The following GLIPR1L1 variants were observed in gnomAD, a reference collection of about 807,000 sequenced individuals.
GLIPR1L1 encodes the protein GLIPR1 like 1, also known as GLIPR1-like protein 1.
Under a neutral mutation model 29.9 loss-of-function variants are expected in GLIPR1L1, and 26 were observed. That is an observed-to-expected ratio of 0.87 (90% CI 0.64 to 1.21). GLIPR1L1 has a LOEUF of 1.21. Among genes scored for constraint, GLIPR1L1 ranks in the 50% most tolerant of loss-of-function variants. The pLI, the probability that GLIPR1L1 is intolerant of heterozygous loss-of-function variation, is 0.00. For synonymous variants in GLIPR1L1, 77 were observed against 97.5 expected, an observed-to-expected ratio of 0.79 and a Z score of 1.24; for missense variants, 305 against 290.3, an observed-to-expected ratio of 1.05 and a Z score of -0.37.
intron 3 of GLIPR1L1, among the ~76,000 whole-genome samples, chr12:75,362,115 T>TAACAGCA (rs1393839836): frequency 1.3e-5 from 2 of 151,900 alleles, no homozygotes; most frequent in Non-Finnish European, 2.9e-5. Flanking sequence ...ACAACAATAA[T>TAACAGCA]AACAGCAACA....
intron 2 of GLIPR1L1, among the ~76,000 whole-genome samples, chr12:75,345,196 A>C (rs1474538734): frequency 1.3e-5 from 2 of 152,064 alleles, no homozygotes; most frequent in Admixed American, 6.6e-5. Flanking sequence ...GAGTGTATCA[A>C]ACTTCTCCTG....
intron 4 of GLIPR1L1, among the ~76,000 whole-genome samples, chr12:75,367,906 G>T (rs2044092146): frequency 6.6e-6 from 1 of 152,044 alleles, no homozygotes; most frequent in African/African-American, 2.4e-5. Context: ...TTTCACCATT[G>T]TGTATGTTTG....
At chr12:75,356,522 T>A (rs1324544050) in intron 3 of GLIPR1L1, among the ~76,000 whole-genome samples, 4 of 152,078 alleles carry the variant, frequency 2.6e-5, no homozygotes, top group Non-Finnish European at 5.9e-5. Context: ...CTAAAGTAAC[T>A]GCTAAAATTA....
At chr12:75,367,864 C>A (rs2044090043) in intron 4 of GLIPR1L1, among the ~76,000 whole-genome samples, 1 of 151,996 alleles carries the variant, frequency 6.6e-6, no homozygotes, top group African/African-American at 2.4e-5. Context: ...AATAGACACA[C>A]CCTTCTATTA....
intron 3 of GLIPR1L1, among the ~76,000 whole-genome samples, chr12:75,357,672 G>A (rs1168569860): frequency 2.6e-5 from 4 of 152,024 alleles, no homozygotes; most frequent in Non-Finnish European, 4.4e-5. Flanking sequence ...TTTGATGACA[G>A]CAAAATTAAA....
At position 75,334,780 on chromosome 12, in the gene GLIPR1L1, G is replaced by A; in HGVS notation, c.52G>A (p.Val18Ile). ...SCLWILGLCL[V>I]ATTSSKIPSI... ...TTTATGGATCTTGGGTCTGTGTTTG[G>A]TAGCCACTACATCTTCCAAAATCCC... The change falls in exon 1 of 6, where the codon GTA becomes ATA. Residue 18 changes from valine to isoleucine, a missense_variant. Val to Ile is a conservative substitution (Grantham distance 29). Transcript: ENST00000378695. 6.2e-7 allele frequency: 1 copy of A among 1,613,550 alleles called. No homozygotes were observed.
chr12:75,362,000 A>T (rs989545688), intron 3 of GLIPR1L1, among the ~76,000 whole-genome samples: 10 of 152,182 alleles, frequency 6.6e-5, no homozygotes, highest in Non-Finnish European at 4.4e-5. Flanking sequence ...TACCACATTA[A>T]AACAATGATA....
rs777201798 is a variant in GLIPR1L1, at chr12:75,343,867, T to C, written c.349T>C (p.Trp117Arg). 6.2e-7 allele frequency: 1 copy of C among 1,612,902 alleles called. No homozygotes were observed. The highest frequency in any genetic ancestry group is 8.5e-7 in the Non-Finnish European group (1 of 1,179,026). ...SFTPRHAITA[W>R]YNETQFYDFD... The stretch of plus-strand genomic sequence containing the variant: ...CACACCAAGACATGCCATTACGGCT[T>C]GGTATAATGAAACCCAATTTTATGA... The change falls in exon 2 of 6, where the codon TGG becomes CGG. Residue 117 changes from tryptophan to arginine, a missense_variant. Coordinates refer to ENST00000378695, the MANE Select transcript of GLIPR1L1 (RefSeq NM_001304964.2).
intron 3 of GLIPR1L1, among the ~76,000 whole-genome samples, chr12:75,351,147 G>GA (rs1181078001): frequency 6.6e-6 from 1 of 152,132 alleles, no homozygotes; most frequent in African/African-American, 2.4e-5. Flanking sequence ...CAAGATTAGA[G>GA]AAAAAAGGAA....
At chr12:75,347,840 A>G (rs774343170) in intron 3 of GLIPR1L1, 118 bp downstream of exon 3, 9 of 448,100 alleles carry the variant, frequency 2.0e-5, no homozygotes, top group African/African-American at 1.0e-4. Context: ...CTCCCTCTAC[A>G]ATGCTAATCA....
At chr12:75,340,849 A>G (rs1432947578) in intron 1 of GLIPR1L1, among the ~76,000 whole-genome samples, 1 of 152,154 alleles carries the variant, frequency 6.6e-6, no homozygotes, top group Non-Finnish European at 1.5e-5. Context: ...ATTAGCCATT[A>G]GTGAAATGCA....
intron 3 of GLIPR1L1, among the ~76,000 whole-genome samples, chr12:75,357,670 C>A (rs2043241427): frequency 6.6e-6 from 1 of 151,898 alleles, no homozygotes; most frequent in South Asian, 2.1e-4. Flanking sequence ...TGTTTGATGA[C>A]AGCAAAATTA....
At chr12:75,351,544 TG>T (rs200403527) in intron 3 of GLIPR1L1, among the ~76,000 whole-genome samples, 10 of 149,716 alleles carry the variant, frequency 6.7e-5, no homozygotes, top group African/African-American at 2.0e-4. Context: ...CACTCTGTTT[TG>T]TTTTGTTTTT....
At chr12:75,368,277 T>C (rs2044122976) in intron 4 of GLIPR1L1, among the ~76,000 whole-genome samples, 1 of 151,746 alleles carries the variant, frequency 6.6e-6, no homozygotes, top group African/African-American at 2.4e-5. Flanking sequence ...CATTTATTTT[T>C]AGAATTGTGC....
At chr12:75,354,310 A>T (rs935929612) in intron 3 of GLIPR1L1, among the ~76,000 whole-genome samples, 2 of 151,536 alleles carry the variant, frequency 1.3e-5, no homozygotes, top group Non-Finnish European at 3.0e-5. Context: ...CAGACAAAAA[A>T]AGTCACAAGC....
chr12:75,359,811 A>T (rs2043446425), intron 3 of GLIPR1L1: 1 of 152,186 alleles, frequency 6.6e-6, no homozygotes, highest in African/African-American at 2.4e-5. Context: ...CAACTACAAA[A>T]ATTAACTCAA....
At chr12:75,337,848 C>A (rs1288097080) in intron 1 of GLIPR1L1, among the ~76,000 whole-genome samples, 1 of 151,752 alleles carries the variant, frequency 6.6e-6, no homozygotes, top group Non-Finnish European at 1.5e-5. Flanking sequence ...TCTTCTTTGT[C>A]TTGTACAAAT....
At chr12:75,346,580 G>A (rs1253451352) in intron 2 of GLIPR1L1, among the ~76,000 whole-genome samples, 1 of 152,096 alleles carries the variant, frequency 6.6e-6, no homozygotes. Context: ...TAGTAGAAAC[G>A]GGGTTTTGCC....
At chr12:75,341,511 G>C (rs902245255) in intron 1 of GLIPR1L1, among the ~76,000 whole-genome samples, 1 of 151,902 alleles carries the variant, frequency 6.6e-6, no homozygotes, top group African/African-American at 2.4e-5. Flanking sequence ...CAGTGGCGCT[G>C]TCTCGGCTCA....
Sources: gnomAD v4.1 joint callset for allele counts (sites outside exome capture counted in the v4.1 genomes callset) on GRCh38, gnomAD v4.1.1 for gene constraint, MANE v1.5 for transcripts, NCBI Gene and HGNC (gene_info 2026-07-23, HGNC 2026-07-21) for gene names.